The following SEMA5A variants were observed in gnomAD, a reference collection of about 807,000 sequenced individuals.
SEMA5A encodes semaphorin-5A.
In SEMA5A, 55 loss-of-function variants were observed where a neutral mutation model predicts 135.5. The ratio of observed to expected loss-of-function variants is 0.41; its 90% CI spans 0.33 to 0.51. The LOEUF (loss-of-function observed/expected upper bound fraction) is 0.51. Ranked by LOEUF, SEMA5A falls within the 20% of genes least tolerant of loss-of-function variation. The pLI is 0.37. For synonymous variants in SEMA5A, 580 were observed against 546.5 expected, an observed-to-expected ratio of 1.06 and a Z score of -0.85; for missense variants, 1,290 against 1,419.9, an observed-to-expected ratio of 0.91 and a Z score of 1.47.
chr5:9,095,955 A>G (rs923288643), intron 16 of SEMA5A, among the ~76,000 whole-genome samples: 2 of 152,228 alleles, frequency 1.3e-5, no homozygotes, highest in African/African-American at 2.4e-5. Context: ...CGTATTGCAA[A>G]TAATGCTACA....
At chr5:9,303,177 C>A (rs947043855) in intron 5 of SEMA5A, among the ~76,000 whole-genome samples, 2 of 150,208 alleles carry the variant, frequency 1.3e-5, no homozygotes, top group Non-Finnish European at 3.0e-5. Context: ...AGTGCAGTGG[C>A]GCCATCTCGG....
chr5:9,140,544 C>T (rs544484806), intron 12 of SEMA5A, among the ~76,000 whole-genome samples: 19 of 152,322 alleles, frequency 1.2e-4, no homozygotes, highest in Non-Finnish European at 2.1e-4. Flanking sequence ...AAGAGTCCTT[C>T]TGCTCCCTGC....
intron 16 of SEMA5A, among the ~76,000 whole-genome samples, chr5:9,072,646 A>G (rs1737834251): frequency 1.3e-5 from 2 of 152,200 alleles, no homozygotes; most frequent in Non-Finnish European, 2.9e-5. Context: ...CCTTGCTTCC[A>G]CAGTGGGGAA....
At chr5:9,405,256 C>A (rs1465545315) in intron 2 of SEMA5A, among the ~76,000 whole-genome samples, 1 of 152,210 alleles carries the variant, frequency 6.6e-6, no homozygotes, top group Non-Finnish European at 1.5e-5. Flanking sequence ...CCCAGAGATT[C>A]AAAATTCCCC....
At chr5:9,449,693 A>G (rs1191100382) in intron 1 of SEMA5A, among the ~76,000 whole-genome samples, 23 of 152,198 alleles carry the variant, frequency 1.5e-4, no homozygotes, top group Admixed American at 1.5e-3. Context: ...ATCAGTCAAA[A>G]TCACCCAAAA....
intron 3 of SEMA5A, among the ~76,000 whole-genome samples, chr5:9,378,061 A>G (rs999235498): frequency 6.6e-6 from 1 of 152,208 alleles, no homozygotes; most frequent in African/African-American, 2.4e-5. Context: ...ATTAAAATAC[A>G]TCAAATATGT....
intron 2 of SEMA5A, among the ~76,000 whole-genome samples, chr5:9,397,203 C>A (rs181236349): frequency 1.3e-3 from 200 of 152,340 alleles, no homozygotes; most frequent in African/African-American, 4.6e-3. Flanking sequence ...CATAGTTGCA[C>A]ACCCACATAT....
At chr5:9,160,248 C>G (rs1743179389) in intron 11 of SEMA5A, among the ~76,000 whole-genome samples, 1 of 152,134 alleles carries the variant, frequency 6.6e-6, no homozygotes, top group African/African-American at 2.4e-5. Context: ...TGTCATCCAT[C>G]TCAAGGACAA....
In SEMA5A at chr5:9,035,875, T is replaced by G. The variant is rs989493181; in HGVS notation, c.*7022A>C. ...TTAAAAAGCTAAATTATAATTAAGA[T>G]ACATTGTCTTTTAAAATTAAATTTA... On this transcript the variant is annotated 3_prime_UTR_variant, in exon 23 of 23. Transcript: ENST00000382496. The G allele has an allele frequency of 2.7e-5, 4 of 146,586 alleles. No individual in the cohort carries two copies. The highest frequency in any genetic ancestry group is 5.1e-5 in the African/African-American group (2 of 39,482). The allele number at this position is 146,586 out of a possible 1,614,324, so 9.1% of individuals were successfully genotyped here.
chr5:9,185,313 A>G (rs930976248), intron 11 of SEMA5A, among the ~76,000 whole-genome samples: 2 of 152,206 alleles, frequency 1.3e-5, no homozygotes, highest in African/African-American at 4.8e-5. Flanking sequence ...AGAGGTGATA[A>G]ACATGGCACA....
At chr5:9,070,546 A>T (rs1210152161) in intron 16 of SEMA5A, among the ~76,000 whole-genome samples, 1 of 152,214 alleles carries the variant, frequency 6.6e-6, no homozygotes, top group African/African-American at 2.4e-5. Context: ...TGCAAACTTC[A>T]TTCTTTCTAT....
chr5:9,462,489 G>A (rs191077995), intron 1 of SEMA5A, among the ~76,000 whole-genome samples: 1 of 152,148 alleles, frequency 6.6e-6, no homozygotes, highest in Non-Finnish European at 1.5e-5. Context: ...ATACCCAAAG[G>A]AATATATATC....
chr5:9,313,075 G>A (rs1752216942), intron 5 of SEMA5A, among the ~76,000 whole-genome samples: 1 of 152,052 alleles, frequency 6.6e-6, no homozygotes, highest in Admixed American at 6.6e-5. Flanking sequence ...TGGATTTCAG[G>A]GCAATTGACA....
intron 8 of SEMA5A, among the ~76,000 whole-genome samples, chr5:9,203,453 A>C (rs906051620): frequency 1.3e-5 from 2 of 152,218 alleles, no homozygotes; most frequent in African/African-American, 4.8e-5. Flanking sequence ...TGGCTGCAAG[A>C]TAAGCCATTA....
At chr5:9,138,357 A>ACATATC (rs1741874972) in intron 12 of SEMA5A, among the ~76,000 whole-genome samples, 2 of 152,106 alleles carry the variant, frequency 1.3e-5, no homozygotes, top group Non-Finnish European at 2.9e-5. Context: ...CTATATATAC[A>ACATATC]TATATATATT....
chr5:9,066,575 A>AGGTGTCCAG lies in SEMA5A; in HGVS notation c.2136_2144dup (p.Trp713_Pro715dup). The AGGTGTCCAG allele has an allele frequency of 6.2e-7, 1 of 1,614,206 alleles. No homozygotes were observed. The highest frequency in any genetic ancestry group is 2.2e-5 in the East Asian group (1 of 44,880). Reference sequence around the variant, plus strand: ...GGCCGCCGTTGTCAGAGATGTTGACAGGTGTCCAGGGTGTCCAGGGCGTGG... The same window carrying AGGTGTCCAG: ...GGCCGCCGTTGTCAGAGATGTTGACAGGTGTCCAGGGTGTCCAGGGTGTCCAGGGCGTGG... On this transcript the variant is annotated inframe_insertion, in exon 17 of 23. Coordinates refer to ENST00000382496, the MANE Select transcript of SEMA5A (RefSeq NM_003966.3).
At chr5:9,452,511 A>T (rs920667405) in intron 1 of SEMA5A, among the ~76,000 whole-genome samples, 4 of 152,156 alleles carry the variant, frequency 2.6e-5, no homozygotes, top group African/African-American at 9.7e-5. Flanking sequence ...CCCTGCCTCT[A>T]ATTGCTCCCA....
intron 11 of SEMA5A, among the ~76,000 whole-genome samples, chr5:9,177,462 C>T (rs1320474006): frequency 6.6e-6 from 1 of 152,162 alleles, no homozygotes; most frequent in Admixed American, 6.5e-5. Context: ...CTGACATAGC[C>T]TCATCTGAAC....
intron 5 of SEMA5A, among the ~76,000 whole-genome samples, chr5:9,298,635 G>A (rs1751456513): frequency 6.6e-6 from 1 of 152,136 alleles, no homozygotes; most frequent in South Asian, 2.1e-4. Flanking sequence ...TTCTAGTGCT[G>A]TACTGATTGG....
Sources: allele counts gnomAD v4.1 joint callset (sites outside exome capture counted in the v4.1 genomes callset), GRCh38; gene constraint gnomAD v4.1.1; transcripts MANE v1.5; gene names NCBI Gene and HGNC (gene_info 2026-07-23, HGNC 2026-07-21).